The following CAD variants were observed in gnomAD, a reference collection of about 807,000 sequenced individuals.
The protein encoded by CAD is multifunctional protein CAD.
CAD carries 81 observed loss-of-function variants against 237.2 expected under a neutral mutation model. The observed-to-expected ratio is 0.34, with a 90% CI of 0.29 to 0.41. CAD has a LOEUF of 0.41. Among genes scored for constraint, CAD ranks in the 10% least tolerant of loss-of-function variants. CAD has a pLI of 1.00. For synonymous variants in CAD, 1,196 were observed against 1,162.8 expected, an observed-to-expected ratio of 1.03 and a Z score of -0.58; for missense variants, 2,181 against 2,951.7, an observed-to-expected ratio of 0.74 and a Z score of 6.05.
chr2:27,220,174 T>C (rs1000356117), intron 2 of CAD, among the ~76,000 whole-genome samples: 24 of 152,334 alleles, frequency 1.6e-4, no homozygotes, highest in Middle Eastern at 3.4e-3. Flanking sequence ...ACTGACACCA[T>C]GTGCCTTGCT....
Position 27,240,706 on chromosome 2 carries a change from A to T in CAD, c.5594-205A>T. On this transcript the variant is annotated intron_variant, in intron 35 of 43. Transcript: ENST00000264705. This position sits in a 1 kb window ranked among gnomAD's most constrained non-coding sequence, Gnocchi z 4.6. The stretch of plus-strand genomic sequence containing the variant: ...ACTGGGAGAGCCCCGGGAGGGCACC[A>T]CTGCTCCCATACAACACAGCCCCAT... 7.2e-7 allele frequency: 1 copy of T among 1,381,880 alleles called. No homozygotes were observed. Among genetic ancestry groups the T allele is most frequent in the East Asian group, 2.5e-5 (1 of 39,970 alleles). The allele number at this position is 1,381,880 out of a possible 1,614,324, so 85.6% of individuals were successfully genotyped here.
chr2:27,232,999 C>T lies in CAD; in HGVS notation c.2893-43C>T, dbSNP rs1675832795. ...TCTCCACGATTTTCTCCACGATTTT[C>T]CTCCCACCTGACTGCTAAGTACCCT... On this transcript the variant is annotated intron_variant, in intron 18 of 43. Coordinates refer to ENST00000264705, the MANE Select transcript of CAD (RefSeq NM_004341.5). This position sits in a 1 kb window ranked among gnomAD's most constrained non-coding sequence, Gnocchi z 4.1. 13 of 1,290,782 alleles carry T rather than the reference C, an allele frequency of 1.0e-5. No individual in the cohort carries two copies. Among genetic ancestry groups the T allele is most frequent in the East Asian group, 2.3e-5 (1 of 43,466 alleles). The allele number at this position is 1,290,782 out of a possible 1,614,324, so 80.0% of individuals were successfully genotyped here. A position where few individuals can be genotyped will look rare whatever the true frequency, so the allele number is the denominator to read the frequency against.
Position 27,217,406 on chromosome 2 carries a change from T to TA in CAD, c.-145dup. The TA allele has an allele frequency of 1.3e-6, 1 of 741,046 alleles. No homozygotes were observed. The highest frequency in any genetic ancestry group is 1.5e-5 in the South Asian group (1 of 65,308). 45.9% of individuals were successfully genotyped at this position (741,046 alleles called of 1,614,324 possible). On this transcript the variant is annotated 5_prime_UTR_variant, in exon 1 of 44. Coordinates refer to ENST00000264705, the MANE Select transcript of CAD (RefSeq NM_004341.5). Reference sequence around the variant, plus strand: ...TGCCGCCAAGCGCGCCCGAGGCTCCTACGCTGCCGCGCCCGGCTTCTCTCC... The same window carrying TA: ...TGCCGCCAAGCGCGCCCGAGGCTCCTAACGCTGCCGCGCCCGGCTTCTCTCC...
Position 27,238,491 on chromosome 2 carries a change from C to T in CAD, c.4921C>T (p.His1641Tyr), listed in dbSNP as rs1176125731. The change falls in exon 31 of 44, where the codon CAC (histidine) becomes TAC (tyrosine). Residue 1641 changes from histidine to tyrosine, a missense_variant. This residue lies in a region of CAD where 478 missense variants were observed against 515.0 expected (regional missense o/e 0.93). Transcript: ENST00000264705. Reference sequence around the variant, plus strand: ...GCCAGTGACCTGCGAGGTGGCTCCCCACCACCTGTTCCTAAGCCATGATGA... The same window carrying T: ...GCCAGTGACCTGCGAGGTGGCTCCCTACCACCTGTTCCTAAGCCATGATGA... Reference protein sequence around the residue: ...GLPVTCEVAPHHLFLSHDDLE... With the variant: ...GLPVTCEVAPYHLFLSHDDLE... 1.9e-6 allele frequency: 3 copies of T among 1,611,012 alleles called. No individual in the cohort carries two copies. Among genetic ancestry groups the T allele is most frequent in the Non-Finnish European group, 2.5e-6 (3 of 1,178,526 alleles).
chr2:27,226,932 A>G lies in CAD; in HGVS notation c.2257A>G (p.Thr753Ala). The G allele has an allele frequency of 6.2e-7, 1 of 1,614,186 alleles. No individual in the cohort carries two copies. The highest frequency in any genetic ancestry group is 1.1e-5 in the South Asian group (1 of 91,086). ...CCTTAGCAAGTTCCTGCGAGTCAGC[A>G]CAAAGATTGGGAGCTGCATGAAGAG... ...WDLSKFLRVSTKIGSCMKSVG... is the reference protein window; with the variant it reads ...WDLSKFLRVSAKIGSCMKSVG... Residue 753 changes from threonine to alanine, a missense_variant, in exon 15 of 44, where the codon ACA (threonine) becomes GCA (alanine). Coordinates refer to ENST00000264705, the MANE Select transcript of CAD (RefSeq NM_004341.5).
Position 27,225,337 on chromosome 2 carries a change from G to A in CAD, c.1620+94G>A, listed in dbSNP as rs374651962. On this transcript the variant is annotated intron_variant, in intron 11 of 43. Transcript: ENST00000264705. ...TTTTTTTTTTTTGAGACGGAGTTTCGCTCTTGTTGCGCAGGCTGGAGTACA... is the reference window on the plus strand; with the variant it reads ...TTTTTTTTTTTTGAGACGGAGTTTCACTCTTGTTGCGCAGGCTGGAGTACA... The A allele has an allele frequency of 5.9e-4, 426 of 719,028 alleles. 7 individuals are homozygous for A. In the South Asian group the frequency reaches 7.4e-3, roughly 12 times the overall value. The allele number at this position is 719,028 out of a possible 1,614,324, so 44.5% of individuals were successfully genotyped here.
Position 27,237,601 on chromosome 2 carries a change from C to G in CAD, c.4563+56C>G. The G allele has an allele frequency of 6.3e-7, 1 of 1,585,512 alleles. No individual in the cohort carries two copies. Among genetic ancestry groups the G allele is most frequent in the Non-Finnish European group, 8.6e-7 (1 of 1,162,880 alleles). On this transcript the variant is annotated intron_variant, in intron 28 of 43. Coordinates refer to ENST00000264705, the MANE Select transcript of CAD (RefSeq NM_004341.5). This position sits in a 1 kb window ranked among gnomAD's most constrained non-coding sequence, Gnocchi z 4.0. ...GACCCATATGCCCCTACCAGCCACC[C>G]TTGCTTCCCTGAGCCCTTTTCCTTC...
At position 27,239,342 on chromosome 2, in the gene CAD, G is replaced by A. The variant is rs1168388506; in HGVS notation, c.5265G>A (p.Glu1755=). The A allele has an allele frequency of 6.2e-7, 1 of 1,613,648 alleles. No homozygotes were observed. The highest frequency in any genetic ancestry group is 1.7e-5 in the Admixed American group (1 of 60,016). The change falls in exon 33 of 44, where the codon GAG becomes GAA. Residue 1755 remains glutamate (E), a synonymous_variant. Coordinates refer to ENST00000264705, the MANE Select transcript of CAD (RefSeq NM_004341.5). The surrounding 1 kb of genome is among the most constrained non-coding windows in gnomAD (Gnocchi z 4.0). Reference sequence around the variant, plus strand: ...TGTCCTCTGGGCAGGTGGATCTGGAGCATGAGTGGACAATTCCCAGCCACA... The same window carrying A: ...TGTCCTCTGGGCAGGTGGATCTGGAACATGAGTGGACAATTCCCAGCCACA... ...QEDTYVEVDL[E]HEWTIPSHMP... is the part of the protein sequence containing the mutation.
At chr2:27,219,170 A>T (rs1675026109) in intron 2 of CAD, among the ~76,000 whole-genome samples, 2 of 152,236 alleles carry the variant, frequency 1.3e-5, no homozygotes, top group South Asian at 4.1e-4. Flanking sequence ...CCACCTGGCC[A>T]GGGAGGGTTC....
At position 27,223,627 on chromosome 2, in the gene CAD, T is replaced by A. The variant is rs780194881; in HGVS notation, c.874T>A (p.Ser292Thr). The A allele has an allele frequency of 3.7e-6, 6 of 1,613,938 alleles. No homozygotes were observed. The highest frequency in any genetic ancestry group is 2.2e-5 in the East Asian group (1 of 44,864). The change falls in exon 7 of 44, where the codon TCC becomes ACC. Residue 292 changes from serine (S) to threonine (T), a missense_variant. Ser to Thr is a moderately conservative substitution (Grantham distance 58). Around this residue, in one of 12 missense-constraint regions of CAD, gnomAD observed 129 missense variants for 143.3 expected, o/e 0.90. Transcript: ENST00000264705. The stretch of plus-strand genomic sequence containing the variant: ...GGGCTCTGGGCGCTGCTTTCTGACA[T>A]CCCAGAACCATGGGTTTGCTGTGGA... ...LVGSGRCFLT[S>T]QNHGFAVETD...
chr2:27,242,987 T>C lies in CAD; in HGVS notation c.6480+14T>C, dbSNP rs767531280. The stretch of plus-strand genomic sequence containing the variant: ...GAGTACGAAGCTGTGAGTGCTGGGC[T>C]TGAGGAAGAAGCCAGGGCTGCTGCC... On this transcript the variant is annotated intron_variant, in intron 42 of 43. Coordinates refer to ENST00000264705, the MANE Select transcript of CAD (RefSeq NM_004341.5). This position sits in a 1 kb window ranked among gnomAD's most constrained non-coding sequence, Gnocchi z 6.4. The C allele has an allele frequency of 3.2e-6, 5 of 1,581,408 alleles. No homozygotes were observed. The African/African-American group carries it at 6.7e-5, about 21-fold the overall frequency.
At chr2:27,230,379 C>T (rs548758060) in intron 15 of CAD, among the ~76,000 whole-genome samples, 23 of 151,950 alleles carry the variant, frequency 1.5e-4, no homozygotes, top group African/African-American at 2.2e-4. Flanking sequence ...CGGTGGCTCA[C>T]GCCTGTAACC....
chr2:27,239,607 C>A lies in CAD; in HGVS notation c.5395-90C>A, dbSNP rs1676198671. On this transcript the variant is annotated intron_variant, in intron 33 of 43. Transcript: ENST00000264705. The surrounding 1 kb of genome is among the most constrained non-coding windows in gnomAD (Gnocchi z 4.0). ...ACCAGGGGTTGGGGGCACAGCTCCC[C>A]CAAGGTGCTTTTTGTCCTTGCTGAC... 1 of 1,484,000 alleles carries A rather than the reference C, an allele frequency of 6.7e-7. No homozygotes were observed. Among genetic ancestry groups the A allele is most frequent in the Non-Finnish European group, 9.3e-7 (1 of 1,081,026 alleles). The allele number at this position is 1,484,000 out of a possible 1,614,324, so 91.9% of individuals were successfully genotyped here.
chr2:27,217,783 G>A, intron 1 of CAD, 94 bp from the exon 2 acceptor site: 1 of 1,482,542 alleles, frequency 6.7e-7, no homozygotes, highest in Admixed American at 2.2e-5. Context: ...TAAACCCCTC[G>A]CGACCAAGGC....
At chr2:27,222,693 C>G in intron 5 of CAD, 33 bp downstream of exon 5, 1 of 1,602,788 alleles carries the variant, frequency 6.2e-7, no homozygotes, top group Non-Finnish European at 8.5e-7. Context: ...GGGCCTCAGA[C>G]AAGCAGCTTG....
Position 27,234,563 on chromosome 2 carries a change from T to C in CAD, c.3664T>C (p.Ser1222Pro). The stretch of plus-strand genomic sequence containing the variant: ...TGAATGCAACGTACGTGTCTCTCGC[T>C]CCTTCCCCTTCGTTTCCAAGACACT... ...VIECNVRVSRSFPFVSKTLGV... is the reference protein window; with the variant it reads ...VIECNVRVSRPFPFVSKTLGV... Residue 1222 changes from serine to proline, a missense_variant, in exon 23 of 44, where the codon TCC becomes CCC. Coordinates refer to ENST00000264705, the MANE Select transcript of CAD (RefSeq NM_004341.5). 6.2e-7 allele frequency: 1 copy of C among 1,614,040 alleles called. No homozygotes were observed. Among genetic ancestry groups the C allele is most frequent in the South Asian group, 1.1e-5 (1 of 91,074 alleles).
Position 27,235,732 on chromosome 2 carries a change from G to A in CAD, c.4074+92G>A, listed in dbSNP as rs150891185. ...AGAATTATCTGGGCTGGGCACGGTG[G>A]CATATACCTGTAGTCCCAGATACTC... On this transcript the variant is annotated intron_variant, in intron 25 of 43. Transcript: ENST00000264705. The surrounding 1 kb of genome is among the most constrained non-coding windows in gnomAD (Gnocchi z 5.2). 2.9e-6 allele frequency: 3 copies of A among 1,038,536 alleles called. No homozygotes were observed. In the Admixed American group the frequency reaches 6.2e-5, roughly 21 times the overall value. 64.3% of individuals were successfully genotyped at this position (1,038,536 alleles called of 1,614,324 possible).
intron 3 of CAD, among the ~76,000 whole-genome samples, chr2:27,221,753 A>ATTTTTTTT (rs57429918): frequency 5.8e-5 from 6 of 103,494 alleles, no homozygotes; most frequent in African/African-American, 1.7e-4. Flanking sequence ...AAATTTCCCA[A>ATTTTTTTT]TTTTTTTTTT....
intron 6 of CAD, 133 bp from the exon 7 acceptor site, chr2:27,223,430 C>CAAAAA: frequency 8.0e-6 from 5 of 622,842 alleles, no homozygotes; most frequent in South Asian, 2.2e-5. Context: ...GACTCCGTCT[C>CAAAAA]AAAAAAAAAA....
Sources: allele counts gnomAD v4.1 joint callset (sites outside exome capture counted in the v4.1 genomes callset), GRCh38; gene constraint gnomAD v4.1.1; regional missense constraint gnomAD v4.1.1; non-coding constraint Gnocchi (gnomAD v3.1); transcripts MANE v1.5; gene names NCBI Gene and HGNC (gene_info 2026-07-23, HGNC 2026-07-21).